Variants in XRN2 observed in about 807,000 individuals in gnomAD.
The protein encoded by XRN2 is 5'-3' exoribonuclease 2, also known as DHM1-like protein.
A neutral mutation model predicts 138.5 loss-of-function variants in XRN2; 44 were observed. The ratio of observed to expected loss-of-function variants is 0.32; its 90% CI spans 0.25 to 0.41. XRN2 has a LOEUF of 0.41. Ranked by LOEUF, XRN2 falls within the 10% of genes least tolerant of loss-of-function variation. XRN2 has a pLI of 1.00. For synonymous variants in XRN2, 354 were observed against 369.4 expected (o/e 0.96, Z 0.48); for missense variants, 937 against 1,169.3 (o/e 0.80, Z 2.90).
intron 13 of XRN2, among the ~76,000 whole-genome samples, chr20:21,336,103 A>G (rs887018803): frequency 1.3e-5 from 2 of 152,218 alleles, no homozygotes; most frequent in East Asian, 1.9e-4. Context: ...GTGCGTGACT[A>G]CCACCCTTAG....
chr20:21,317,428 C>G (rs150759805), intron 1 of XRN2, among the ~76,000 whole-genome samples: 1 of 152,122 alleles, frequency 6.6e-6, no homozygotes, highest in East Asian at 1.9e-4. Flanking sequence ...GGATGTTCAA[C>G]TAACTTTGCA....
In XRN2 at chr20:21,363,842, T is replaced by C. The variant is rs575963843; in HGVS notation, c.2256-1579T>C. Among the ~76,000 whole-genome samples the C allele has an allele frequency of 8.4e-4, 128 of 152,348 alleles. 2 individuals are homozygous for C. The highest frequency in any genetic ancestry group is 6.8e-3 in the Middle Eastern group (2 of 294). On this transcript the variant is annotated intron_variant, in intron 24 of 29. Transcript: ENST00000377191. ...TTAAAGGAAACAAGTTACTAACTTATAGAGAAAAATCACTGATAATCGATT... is the reference window on the plus strand; with the variant it reads ...TTAAAGGAAACAAGTTACTAACTTACAGAGAAAAATCACTGATAATCGATT...
intron 28 of XRN2, among the ~76,000 whole-genome samples, chr20:21,383,213 A>G (rs1045417668): frequency 6.6e-6 from 1 of 152,202 alleles, no homozygotes; most frequent in East Asian, 1.9e-4. Context: ...TGATTTTAGT[A>G]TATGTTCTGA....
chr20:21,331,152 T>C (rs1434066461), intron 6 of XRN2, among the ~76,000 whole-genome samples: 1 of 152,150 alleles, frequency 6.6e-6, no homozygotes, highest in Admixed American at 6.6e-5. Flanking sequence ...AATGGTAAAT[T>C]ATATTTTATA....
In XRN2 at chr20:21,373,808, GT is replaced by G. The variant is rs1198899626; in HGVS notation, c.2584+5225del. Among the ~76,000 whole-genome samples, 9 of 152,164 alleles carry G rather than the reference GT, an allele frequency of 5.9e-5. 1 individual carries two copies. The South Asian group carries it at 1.7e-3, about 28-fold the overall frequency. On this transcript the variant is annotated intron_variant, in intron 27 of 29. Transcript: ENST00000377191. The stretch of plus-strand genomic sequence containing the variant: ...GATGGTAGTGTTCAAGGTTTGTGTG[GT>G]TTTTTTAAATTGGGTTGTCTATCTT...
intron 26 of XRN2, among the ~76,000 whole-genome samples, chr20:21,366,854 A>G (rs2122314126): frequency 6.6e-6 from 1 of 152,278 alleles, no homozygotes; most frequent in East Asian, 1.9e-4. Flanking sequence ...TCACTTCTCC[A>G]TTTATGTATT....
chr20:21,346,040 A>T (rs972498556), intron 16 of XRN2, among the ~76,000 whole-genome samples: 1 of 152,232 alleles, frequency 6.6e-6, no homozygotes, highest in South Asian at 2.1e-4. Flanking sequence ...AGGAACTTGA[A>T]CTATTTAAAA....
At chr20:21,378,819 T>C (rs994815634) in intron 27 of XRN2, among the ~76,000 whole-genome samples, 1 of 152,232 alleles carries the variant, frequency 6.6e-6, no homozygotes, top group Non-Finnish European at 1.5e-5. Flanking sequence ...CTGACAACTG[T>C]CAAGTGTCTG....
intron 27 of XRN2, among the ~76,000 whole-genome samples, chr20:21,374,917 T>G (rs2038801734): frequency 6.6e-6 from 1 of 151,790 alleles, no homozygotes; most frequent in East Asian, 1.9e-4. Flanking sequence ...GCTTAGAGAT[T>G]CCTTTATGAA....
intron 22 of XRN2, 127 bp downstream of exon 22, chr20:21,356,304 TG>T: frequency 1.4e-6 from 1 of 730,156 alleles, no homozygotes; most frequent in East Asian, 2.8e-5. Flanking sequence ...ATATTTCCAG[TG>T]TTGTATAACC....
At chr20:21,316,505 A>C (rs1335480038) in intron 1 of XRN2, among the ~76,000 whole-genome samples, 1 of 152,106 alleles carries the variant, frequency 6.6e-6, no homozygotes, top group Non-Finnish European at 1.5e-5. Flanking sequence ...ACTTTCTTGC[A>C]TTGGCTATCT....
At chr20:21,353,866 T>A (rs1354443752) in intron 20 of XRN2, among the ~76,000 whole-genome samples, 2 of 152,038 alleles carry the variant, frequency 1.3e-5, no homozygotes, top group Non-Finnish European at 2.9e-5. Flanking sequence ...AATAATTAAT[T>A]AAGCTAAATA....
At chr20:21,341,607 G>C (rs1056583285) in intron 15 of XRN2, among the ~76,000 whole-genome samples, 1 of 152,192 alleles carries the variant, frequency 6.6e-6, no homozygotes, top group Non-Finnish European at 1.5e-5. Context: ...GACAGCAACA[G>C]GGCTGAGGGA....
intron 19 of XRN2, 131 bp from the exon 20 acceptor site, chr20:21,349,258 T>C (rs959063507): frequency 5.9e-6 from 4 of 683,272 alleles, no homozygotes. Context: ...TAATGTCTCT[T>C]AACATTTTTT....
At chr20:21,382,181 C>T (rs2038892884) in intron 28 of XRN2, 124 bp downstream of exon 28, 2 of 656,586 alleles carry the variant, frequency 3.0e-6, no homozygotes, top group Non-Finnish European at 4.8e-6. Context: ...AAAACAATTT[C>T]CCTTGTGCCT....
intron 27 of XRN2, among the ~76,000 whole-genome samples, chr20:21,372,820 C>G (rs981047534): frequency 1.3e-5 from 2 of 151,972 alleles, no homozygotes; most frequent in African/African-American, 2.4e-5. Context: ...GGCACTACCC[C>G]CTGCCCATTA....
chr20:21,354,896 A>T, intron 21 of XRN2, 24 bp downstream of exon 21: 1 of 1,585,132 alleles, frequency 6.3e-7, no homozygotes, highest in East Asian at 2.2e-5. Flanking sequence ...TTCTTAGTTA[A>T]CATTGATCTG....
At chr20:21,363,724 G>C (rs1416821620) in intron 24 of XRN2, among the ~76,000 whole-genome samples, 1 of 152,176 alleles carries the variant, frequency 6.6e-6, no homozygotes, top group Non-Finnish European at 1.5e-5. Flanking sequence ...GAAAACTGCT[G>C]TCTAAAAATG....
At chr20:21,355,444 AAAG>A (rs1204744382) in intron 21 of XRN2, among the ~76,000 whole-genome samples, 3 of 152,198 alleles carry the variant, frequency 2.0e-5, no homozygotes, top group African/African-American at 7.2e-5. Flanking sequence ...TCTGTATCAA[AAAG>A]ATTGTCTTTT....
Sources: allele counts gnomAD v4.1 joint callset (sites outside exome capture counted in the v4.1 genomes callset), GRCh38; gene constraint gnomAD v4.1.1; transcripts MANE v1.5; gene names NCBI Gene and HGNC (gene_info 2026-07-23, HGNC 2026-07-21).